DGKE: variants seen among roughly 807,000 people sequenced by gnomAD.
DGKE encodes the protein DAG kinase epsilon.
A neutral mutation model predicts 70.0 loss-of-function variants in DGKE; 53 were observed. That is an observed-to-expected ratio of 0.76 (90% CI 0.61 to 0.95). The LOEUF (loss-of-function observed/expected upper bound fraction) is 0.95, where lower values mean the gene tolerates loss of function less well. DGKE is among the 40% of genes least tolerant of loss of function. The probability of loss-of-function intolerance (pLI) is 0.00; values close to 1 mark genes in which losing one functional copy is unlikely to be tolerated. For synonymous variants in DGKE, 291 were observed against 257.0 expected (o/e 1.13, Z -1.27); for missense variants, 655 against 706.9 (o/e 0.93, Z 0.83).
chr17:56,835,967 G>C (rs970235575), intron 2 of DGKE: 1 of 152,248 alleles, frequency 6.6e-6, no homozygotes, highest in Non-Finnish European at 1.5e-5. Flanking sequence ...GGAGAATGCT[G>C]CTTTGCAAAT....
chr17:56,836,623 T>A (rs190039259), intron 2 of DGKE, among the ~76,000 whole-genome samples: 2 of 152,362 alleles, frequency 1.3e-5, no homozygotes, highest in East Asian at 3.9e-4. Context: ...ATGATCTTTC[T>A]AAAAATGCAA....
At chr17:56,847,818 G>T (rs1023923744) in intron 4 of DGKE, 104 bp from the exon 5 acceptor site, 3 of 760,544 alleles carry the variant, frequency 3.9e-6, no homozygotes, top group Non-Finnish European at 3.8e-6. Flanking sequence ...ATAGTAGCCA[G>T]TAATGTTATT....
chr17:56,835,318 A>C, intron 2 of DGKE, 59 bp downstream of exon 2: 1 of 1,502,610 alleles, frequency 6.7e-7, no homozygotes, highest in Non-Finnish European at 9.0e-7. Context: ...AGGATTTCAT[A>C]GAGTGGTGTA....
chr17:56,854,973 A>C (rs1033661223), intron 7 of DGKE, among the ~76,000 whole-genome samples: 3 of 152,196 alleles, frequency 2.0e-5, no homozygotes, highest in Non-Finnish European at 4.4e-5. Context: ...TCATTTCTCT[A>C]TACATTCAAG....
In DGKE at chr17:56,864,310, C is replaced by A. The variant is rs1468319965; in HGVS notation, c.*1519C>A. On this transcript the variant is annotated 3_prime_UTR_variant, in exon 12 of 12. Coordinates refer to ENST00000284061, the MANE Select transcript of DGKE (RefSeq NM_003647.3). ...AATGTATCCCCCAAAATACCATTAG[C>A]TATCTTTGAGGGTCTATTATGAATC... is the stretch of plus-strand genomic sequence containing the variant. 6.6e-6 allele frequency: 1 copy of A among 152,182 alleles called. No homozygotes were observed. Among genetic ancestry groups the A allele is most frequent in the Admixed American group, 6.5e-5 (1 of 15,284 alleles). The allele number at this position is 152,182 out of a possible 1,614,324, so 9.4% of individuals were successfully genotyped here. A position where few individuals can be genotyped will look rare whatever the true frequency, so the allele number is the denominator to read the frequency against.
chr17:56,843,960 G>T, intron 2 of DGKE, 59 bp from the exon 3 acceptor site: 1 of 1,436,018 alleles, frequency 7.0e-7, no homozygotes, highest in Non-Finnish European at 9.3e-7. Context: ...ATTGTTTTGT[G>T]GGTTATCATT....
At position 56,862,736 on chromosome 17, in the gene DGKE, CAG is replaced by C; in HGVS notation, c.1651_1652del (p.Asp551Ter). 2 of 1,608,130 alleles carry C rather than the reference CAG, an allele frequency of 1.2e-6. No individual in the cohort carries two copies. Among genetic ancestry groups the C allele is most frequent in the Non-Finnish European group, 1.7e-6 (2 of 1,178,340 alleles). Reference sequence around the variant, plus strand: ...ATGTTATATTTCTCTGGAGAACAAACAGATGATGACATCTCTAGTACTTCGGA... The same window carrying C: ...ATGTTATATTTCTCTGGAGAACAAACATGATGACATCTCTAGTACTTCGGA... On this transcript the variant is annotated frameshift_variant, in exon 12 of 12. Coordinates refer to ENST00000284061, the MANE Select transcript of DGKE (RefSeq NM_003647.3). LOFTEE classifies it high-confidence loss of function.
chr17:56,861,569 G>A (rs1598050001), intron 9 of DGKE, among the ~76,000 whole-genome samples: 1 of 152,238 alleles, frequency 6.6e-6, no homozygotes, highest in East Asian at 1.9e-4. Context: ...AAAAAATCAC[G>A]AGGCTCAACA....
At chr17:56,838,574 A>G (rs2144199748) in intron 2 of DGKE, 1 of 152,362 alleles carries the variant, frequency 6.6e-6, no homozygotes, top group Admixed American at 6.5e-5. Context: ...AATCTTATAA[A>G]TGACCATCTC....
chr17:56,836,994 T>G (rs1159220274), intron 2 of DGKE, among the ~76,000 whole-genome samples: 2 of 152,090 alleles, frequency 1.3e-5, no homozygotes, highest in East Asian at 3.8e-4. Context: ...GCTTCCCTCC[T>G]CCCCCAGTTT....
chr17:56,859,273 C>G (rs1236788252), intron 9 of DGKE, among the ~76,000 whole-genome samples: 2 of 150,872 alleles, frequency 1.3e-5, no homozygotes, highest in African/African-American at 4.9e-5. Flanking sequence ...TGCAGTGAGC[C>G]AAGATCGCGA....
rs767338282 is a variant in DGKE, at chr17:56,848,831, G to A, written c.1024G>A (p.Ala342Thr). Residue 342 changes from alanine to threonine, a missense_variant, in exon 6 of 12, where the codon GCA becomes ACA. Ala to Thr is a moderately conservative substitution (Grantham distance 58). Transcript: ENST00000284061. ...GCAGGTTTTGCGAAATGTAATGGAA[G>A]CAGATGGAATTAAACTAGATCGGTA... ...VAQVLRNVME[A>T]DGIKLDRWKV... The A allele has an allele frequency of 2.5e-6, 4 of 1,614,198 alleles. No individual in the cohort carries two copies. The Admixed American group carries it at 6.7e-5, about 27-fold the overall frequency.
intron 3 of DGKE, 151 bp from the exon 4 acceptor site, chr17:56,845,539 T>G: frequency 1.3e-6 from 1 of 775,056 alleles, no homozygotes; most frequent in Non-Finnish European, 1.9e-6. Flanking sequence ...TTCCCTTCCA[T>G]TCTTAGAATT....
intron 9 of DGKE, among the ~76,000 whole-genome samples, chr17:56,859,359 A>G (rs1262076669): frequency 6.6e-6 from 1 of 151,932 alleles, no homozygotes; most frequent in Non-Finnish European, 1.5e-5. Flanking sequence ...AAAATGTATA[A>G]ATAGTAAAAA....
At chr17:56,853,708 A>G (rs978500307) in intron 7 of DGKE, among the ~76,000 whole-genome samples, 1 of 152,226 alleles carries the variant, frequency 6.6e-6, no homozygotes, top group East Asian at 1.9e-4. Context: ...CTTATACACT[A>G]TTGGCATTGC....
Position 56,849,793 on chromosome 17 carries a change from C to A in DGKE, c.1098+561C>A, listed in dbSNP as rs530739685. On this transcript the variant is annotated intron_variant, in intron 7 of 11. Coordinates refer to ENST00000284061, the MANE Select transcript of DGKE (RefSeq NM_003647.3). Reference sequence around the variant, plus strand: ...TGACTATAAGAAAAATACCAAGTTTCAGGTTTGGGTAGGAAGAAAATGAGA... The same window carrying A: ...TGACTATAAGAAAAATACCAAGTTTAAGGTTTGGGTAGGAAGAAAATGAGA... Among the ~76,000 whole-genome samples, 4 of 152,202 alleles carry A rather than the reference C, an allele frequency of 2.6e-5. No homozygotes were observed. In the South Asian group the frequency reaches 8.3e-4, roughly 32 times the overall value.
chr17:56,846,888 A>C (rs547554371), intron 4 of DGKE, among the ~76,000 whole-genome samples: 84 of 152,260 alleles, frequency 5.5e-4, no homozygotes, highest in Non-Finnish European at 9.3e-4. Context: ...TCTAGATACA[A>C]ATTTGCATTC....
chr17:56,857,058 A>C (rs1907995843), intron 8 of DGKE, among the ~76,000 whole-genome samples: 2 of 152,192 alleles, frequency 1.3e-5, no homozygotes, highest in Non-Finnish European at 2.9e-5. Context: ...AGATCATACC[A>C]CTGCACTCCA....
At chr17:56,862,529 G>A (rs1908357343) in intron 11 of DGKE, 83 bp from the exon 12 acceptor site, 1 of 1,223,696 alleles carries the variant, frequency 8.2e-7, no homozygotes, top group African/African-American at 1.5e-5. Flanking sequence ...AAGGGTTAAG[G>A]GATTGTGGAT....
Sources: gnomAD v4.1 joint callset for allele counts (sites outside exome capture counted in the v4.1 genomes callset) on GRCh38, gnomAD v4.1.1 for gene constraint, MANE v1.5 for transcripts, NCBI Gene and HGNC (gene_info 2026-07-23, HGNC 2026-07-21) for gene names.